Variants in TRIM44 observed in about 807,000 individuals in gnomAD.
TRIM44 encodes tripartite motif containing 44.
TRIM44 carries 13 observed loss-of-function variants against 37.4 expected under a neutral mutation model. That is an observed-to-expected ratio of 0.35 (90% CI 0.23 to 0.55). The LOEUF is 0.55. TRIM44 is among the 20% of genes least tolerant of loss of function. TRIM44 has a pLI of 0.89. For missense variants in TRIM44, 426 were observed against 437.2 expected, an observed-to-expected ratio of 0.97 and a Z score of 0.23; for synonymous variants, 175 against 157.2, an observed-to-expected ratio of 1.11 and a Z score of -0.85.
chr11:35,769,144 T>C (rs1232308157), intron 4 of TRIM44, among the ~76,000 whole-genome samples: 1 of 152,214 alleles, frequency 6.6e-6, no homozygotes, highest in Non-Finnish European at 1.5e-5. Context: ...AGTTCATTGA[T>C]GTATATTACC....
intron 4 of TRIM44, among the ~76,000 whole-genome samples, chr11:35,749,717 C>G (rs1447514575): frequency 6.6e-6 from 1 of 152,182 alleles, no homozygotes; most frequent in Non-Finnish European, 1.5e-5. Context: ...GGTTGATAAT[C>G]ACTATTTAAA....
At chr11:35,697,382 A>G in intron 2 of TRIM44, among the ~76,000 whole-genome samples, 1 of 150,896 alleles carries the variant, frequency 6.6e-6, no homozygotes, top group East Asian at 1.9e-4. Flanking sequence ...GTCCCTACAA[A>G]GGACATAAAC....
At chr11:35,785,951 C>T (rs925329802) in intron 4 of TRIM44, among the ~76,000 whole-genome samples, 10 of 152,208 alleles carry the variant, frequency 6.6e-5, no homozygotes, top group Admixed American at 2.6e-4. Flanking sequence ...ACTTTATTTC[C>T]TTAACCTGAG....
intron 4 of TRIM44, among the ~76,000 whole-genome samples, chr11:35,799,135 C>T (rs920665878): frequency 5.3e-5 from 8 of 152,246 alleles, no homozygotes; most frequent in Non-Finnish European, 8.8e-5. Flanking sequence ...CTGTTACTTC[C>T]GTTCAGTCAC....
chr11:35,792,111 A>ACACACACACTCTCTCTCT (rs796092540), intron 4 of TRIM44, among the ~76,000 whole-genome samples: 2 of 114,298 alleles, frequency 1.7e-5, no homozygotes, highest in South Asian at 2.6e-4. Flanking sequence ...ACACACACAC[A>ACACACACACTCTCTCTCT]CTCTCTCTCA....
chr11:35,753,159 CT>C, intron 4 of TRIM44, among the ~76,000 whole-genome samples: 1 of 152,118 alleles, frequency 6.6e-6, no homozygotes, highest in South Asian at 2.1e-4. Context: ...ATTTGTGAGT[CT>C]GCTTTTGTTA....
chr11:35,797,567 A>G (rs1853309568), intron 4 of TRIM44, among the ~76,000 whole-genome samples: 1 of 152,172 alleles, frequency 6.6e-6, no homozygotes, highest in Non-Finnish European at 1.5e-5. Context: ...TATTGATAGT[A>G]TCAACCCTTG....
chr11:35,707,525 A>G (rs1851902972), intron 2 of TRIM44, among the ~76,000 whole-genome samples: 1 of 152,114 alleles, frequency 6.6e-6, no homozygotes, highest in Admixed American at 6.5e-5. Context: ...CTACAAGGCT[A>G]CAGTAACCAA....
At chr11:35,778,851 G>A (rs1565021114) in intron 4 of TRIM44, among the ~76,000 whole-genome samples, 1 of 152,196 alleles carries the variant, frequency 6.6e-6, no homozygotes, top group Admixed American at 6.5e-5. Flanking sequence ...GTGTCGGTCA[G>A]CCCCCTATTG....
chr11:35,669,110 C>T (rs2135482342), intron 1 of TRIM44, among the ~76,000 whole-genome samples: 1 of 152,202 alleles, frequency 6.6e-6, no homozygotes, highest in South Asian at 2.1e-4. Context: ...TGTGTAGCTT[C>T]TCATTGCCTT....
chr11:35,708,426 G>A (rs1391076019), intron 2 of TRIM44, among the ~76,000 whole-genome samples: 1 of 151,828 alleles, frequency 6.6e-6, no homozygotes, highest in African/African-American at 2.4e-5. Context: ...GTACCCAAAG[G>A]ATTATAAATC....
At chr11:35,681,019 C>T (rs1023672296) in intron 1 of TRIM44, among the ~76,000 whole-genome samples, 1 of 151,724 alleles carries the variant, frequency 6.6e-6, no homozygotes, top group African/African-American at 2.4e-5. Flanking sequence ...TTCTTGATAC[C>T]ATGTATATGT....
Position 35,807,738 on chromosome 11 carries a change from G to T in TRIM44, c.*1353G>T, listed in dbSNP as rs1853472264. 1 of 152,112 alleles carries T rather than the reference G, an allele frequency of 6.6e-6. No homozygotes were observed. The highest frequency in any genetic ancestry group is 1.5e-5 in the Non-Finnish European group (1 of 68,012). 9.4% of individuals were successfully genotyped at this position (152,112 alleles called of 1,614,324 possible). A position where few individuals can be genotyped will look rare whatever the true frequency, so the allele number is the denominator to read the frequency against. On this transcript the variant is annotated 3_prime_UTR_variant, in exon 5 of 5. Transcript: ENST00000299413. The stretch of plus-strand genomic sequence containing the variant: ...CATAGACTGTTAAGATAAAAAAATA[G>T]GAATCTTGCAAGGTAATTCTTATTT...
intron 4 of TRIM44, among the ~76,000 whole-genome samples, chr11:35,777,299 G>C (rs574424202): frequency 6.6e-6 from 1 of 151,502 alleles, no homozygotes; most frequent in Non-Finnish European, 1.5e-5. Context: ...TTTGTTTTCC[G>C]TTTGCTTAGT....
At chr11:35,784,895 T>G (rs757636140) in intron 4 of TRIM44, among the ~76,000 whole-genome samples, 2 of 152,222 alleles carry the variant, frequency 1.3e-5, no homozygotes, top group African/African-American at 2.4e-5. Context: ...TCTCAAGCCT[T>G]AATTTTTACA....
At chr11:35,764,406 A>G (rs1318734428) in intron 4 of TRIM44, among the ~76,000 whole-genome samples, 1 of 152,140 alleles carries the variant, frequency 6.6e-6, no homozygotes, top group African/African-American at 2.4e-5. Context: ...GATTTAGATA[A>G]CATTAATTTA....
At chr11:35,679,449 G>A (rs16927845) in intron 1 of TRIM44, among the ~76,000 whole-genome samples, 4,715 of 152,236 alleles carry the variant, frequency 0.031, 119 homozygotes, top group South Asian at 0.13. Context: ...TTTTCATGGT[G>A]TTCAAACACA....
chr11:35,739,843 AAG>A (rs1852370350), intron 4 of TRIM44, among the ~76,000 whole-genome samples: 1 of 152,150 alleles, frequency 6.6e-6, no homozygotes, highest in Non-Finnish European at 1.5e-5. Flanking sequence ...GTCATCATTT[AAG>A]AGAGTGTCTT....
Position 35,709,814 on chromosome 11 carries a change from A to G in TRIM44, c.748-16110A>G, listed in dbSNP as rs1392738816. Among the ~76,000 whole-genome samples, 3 of 152,316 alleles carry G rather than the reference A, an allele frequency of 2.0e-5. No individual in the cohort carries two copies. In the East Asian group the frequency reaches 5.8e-4, roughly 29 times the overall value. The stretch of plus-strand genomic sequence containing the variant: ...TACTTCAGACCCCACTTCTGACACC[A>G]TTTGTTTAAACAAAAACGTCAGCTG... On this transcript the variant is annotated intron_variant, in intron 2 of 4. Coordinates refer to ENST00000299413, the MANE Select transcript of TRIM44 (RefSeq NM_017583.6).
Sources: gnomAD v4.1 joint callset for allele counts (sites outside exome capture counted in the v4.1 genomes callset) on GRCh38, gnomAD v4.1.1 for gene constraint, MANE v1.5 for transcripts, NCBI Gene and HGNC (gene_info 2026-07-23, HGNC 2026-07-21) for gene names.